Variants in MIB1 observed in about 807,000 individuals in gnomAD.
MIB1 encodes the protein MIB E3 ubiquitin protein ligase 1, also known as E3 ubiquitin-protein ligase MIB1.
A neutral mutation model predicts 124.5 loss-of-function variants in MIB1; 278 were observed. The observed-to-expected ratio is 2.23, with a 90% confidence interval of 2.02 to 2.47. MIB1 has a LOEUF of 2.47. Among genes scored for constraint, MIB1 ranks in the 30% most tolerant of loss-of-function variants. MIB1 has a pLI of 0.00. For synonymous variants in MIB1, 446 were observed against 429.4 expected (o/e 1.04, Z -0.48); for missense variants, 957 against 1,254.4 (o/e 0.76, Z 3.58).
intron 10 of MIB1, among the ~76,000 whole-genome samples, chr18:21,806,282 CCTTG>C (rs1284783703): frequency 2.6e-5 from 4 of 151,492 alleles, no homozygotes; most frequent in Non-Finnish European, 5.9e-5. Flanking sequence ...CTCACTGCAG[CCTTG>C]AATTCCCAGG....
rs934260189 is a variant in MIB1, at chr18:21,859,886, CAA to C, written c.2880+1264_2880+1265del. ...CCTGGGCGACAGAGTGAGACTGTCT[CAA>C]AAAAAAAAAAAAAAAAAAAAAAAGG... is the stretch of plus-strand genomic sequence containing the variant. On this transcript the variant is annotated intron_variant, in intron 20 of 20. Transcript: ENST00000261537. 7.7e-4 allele frequency among the ~76,000 whole-genome samples: 22 copies of C among 28,388 alleles called. No homozygotes were observed. The South Asian group carries it at 0.013, about 16-fold the overall frequency. 18.6% of individuals were successfully genotyped at this position (28,388 alleles called of 152,430 possible). A position where few individuals can be genotyped will look rare whatever the true frequency, so the allele number is the denominator to read the frequency against.
intron 6 of MIB1, among the ~76,000 whole-genome samples, chr18:21,789,260 C>T (rs1228184364): frequency 6.6e-6 from 1 of 151,728 alleles, no homozygotes; most frequent in East Asian, 1.9e-4. Context: ...TTCTCTGCCA[C>T]TGTCTTCACA....
At chr18:21,744,332 T>G (rs1243685517) in intron 1 of MIB1, among the ~76,000 whole-genome samples, 1 of 152,130 alleles carries the variant, frequency 6.6e-6, no homozygotes, top group Non-Finnish European at 1.5e-5. Flanking sequence ...TTTGAAACAA[T>G]TGTAGTCTTC....
At chr18:21,803,514 C>CTAG (rs1357737737) in intron 9 of MIB1, among the ~76,000 whole-genome samples, 1 of 152,150 alleles carries the variant, frequency 6.6e-6, no homozygotes, top group Non-Finnish European at 1.5e-5. Context: ...TTATTTATCC[C>CTAG]TAGCAGCTAA....
chr18:21,849,255 A>G lies in MIB1; in HGVS notation c.2453A>G (p.Glu818Gly). Residue 818 changes from glutamate (E) to glycine (G), a missense_variant, in exon 17 of 21, where the codon GAG becomes GGG. Physicochemically the swap from Glu to Gly is moderately conservative, Grantham distance 98 (BLOSUM62 -2). Coordinates refer to ENST00000261537, the MANE Select transcript of MIB1 (RefSeq NM_020774.4). ...MISNDSETLE[E>G]CMVCSDMKRD... ...AGTAATGATTCTGAAACCTTAGAAG[A>G]GTGTATGGTGTGCTCAGATATGAAG... 1 of 1,610,184 alleles carries G rather than the reference A, an allele frequency of 6.2e-7. No homozygotes were observed. The highest frequency in any genetic ancestry group is 8.5e-7 in the Non-Finnish European group (1 of 1,178,088).
chr18:21,738,178 A>G (rs1271901402), upstream of MIB1, among the ~76,000 whole-genome samples: 1 of 152,246 alleles, frequency 6.6e-6, no homozygotes, highest in African/African-American at 2.4e-5. Context: ...CATAATTGGA[A>G]GTAAAACACT....
intron 6 of MIB1, among the ~76,000 whole-genome samples, chr18:21,783,533 GTGCCCGGCCTCACTC>G (rs760597045): frequency 9.1e-4 from 138 of 152,142 alleles, no homozygotes; most frequent in Non-Finnish European, 1.8e-3. Context: ...GTGAGCCGCT[GTGCCCGGCCTCACTC>G]TATGTCTTCT....
intron 1 of MIB1, among the ~76,000 whole-genome samples, chr18:21,759,417 A>G (rs148555326): frequency 1.5e-4 from 23 of 151,680 alleles, no homozygotes; most frequent in South Asian, 8.4e-4. Context: ...TAATTTTTGT[A>G]TTTTTAATAG....
At chr18:21,743,573 T>G (rs1040145676) in intron 1 of MIB1, among the ~76,000 whole-genome samples, 2 of 152,230 alleles carry the variant, frequency 1.3e-5, no homozygotes, top group Non-Finnish European at 2.9e-5. Flanking sequence ...TTTGAAGACG[T>G]TTTGTGAGTT....
rs375216224 is a variant in MIB1, at chr18:21,869,940, C to G, written c.*5274C>G. The G allele has an allele frequency of 1.3e-5, 2 of 152,266 alleles. No individual in the cohort carries two copies. The highest frequency in any genetic ancestry group is 2.9e-5 in the Non-Finnish European group (2 of 67,916). The allele number at this position is 152,266 out of a possible 1,614,324, so 9.4% of individuals were successfully genotyped here. ...TTATGTTCAGTATGTTTATGTCATTCTAAATGCAGCAAATTCAATGATAGC... is the reference window on the plus strand; with the variant it reads ...TTATGTTCAGTATGTTTATGTCATTGTAAATGCAGCAAATTCAATGATAGC... On this transcript the variant is annotated 3_prime_UTR_variant, in exon 21 of 21. Transcript: ENST00000261537.
At chr18:21,848,791 G>A (rs776936060) in intron 16 of MIB1, among the ~76,000 whole-genome samples, 18 of 152,136 alleles carry the variant, frequency 1.2e-4, no homozygotes, top group Non-Finnish European at 1.9e-4. Context: ...GCTTTGTTCC[G>A]TCTTTAGTAA....
chr18:21,726,702 A>C (rs896687418), intron 1 of MIB1, among the ~76,000 whole-genome samples: 1 of 152,188 alleles, frequency 6.6e-6, no homozygotes, highest in African/African-American at 2.4e-5. Context: ...GGGAGTGGCT[A>C]TGTAGATTGA....
intron 12 of MIB1, chr18:21,825,748 G>A (rs574177540): frequency 1.9e-5 from 10 of 529,956 alleles, no homozygotes; most frequent in South Asian, 8.5e-5. Context: ...TTGAAGAGGC[G>A]ATTTGGTTCC....
intron 20 of MIB1, among the ~76,000 whole-genome samples, chr18:21,859,076 G>A (rs989257607): frequency 1.3e-5 from 2 of 152,166 alleles, no homozygotes; most frequent in African/African-American, 4.8e-5. Flanking sequence ...GTTATTGTTT[G>A]GAATATAAAC....
In MIB1 at chr18:21,792,019, T is replaced by A. The variant is rs150074051; in HGVS notation, c.1092+462T>A. 1.4e-4 allele frequency among the ~76,000 whole-genome samples: 21 copies of A among 152,344 alleles called. No homozygotes were observed. The East Asian group carries it at 3.9e-3, about 28-fold the overall frequency. On this transcript the variant is annotated intron_variant, in intron 7 of 20. Transcript: ENST00000261537. Reference sequence around the variant, plus strand: ...CTACAGTTTTTTATTTAGTCATTTTTTCGTCAAATGTTCATCAACAACAAA... The same window carrying A: ...CTACAGTTTTTTATTTAGTCATTTTATCGTCAAATGTTCATCAACAACAAA...
chr18:21,740,561 C>G (rs569525812), upstream of MIB1, among the ~76,000 whole-genome samples: 7 of 152,270 alleles, frequency 4.6e-5, no homozygotes, highest in Non-Finnish European at 1.0e-4. Flanking sequence ...TAGTGAAAAA[C>G]TGGCCACATC....
chr18:21,719,595 C>T (rs964881653), intron 1 of MIB1, among the ~76,000 whole-genome samples: 2 of 151,198 alleles, frequency 1.3e-5, no homozygotes, highest in Non-Finnish European at 2.9e-5. Context: ...GATGGGTATA[C>T]GTCACCACGC....
upstream of MIB1, among the ~76,000 whole-genome samples, chr18:21,736,272 C>T (rs2040796585): frequency 6.6e-6 from 1 of 152,208 alleles, no homozygotes; most frequent in Non-Finnish European, 1.5e-5. Context: ...GCCAGCAGAC[C>T]TGCAGCAGAG....
At chr18:21,755,629 A>G (rs1021061038) in intron 1 of MIB1, among the ~76,000 whole-genome samples, 2 of 152,204 alleles carry the variant, frequency 1.3e-5, no homozygotes, top group Admixed American at 1.3e-4. Flanking sequence ...ACTGGCTTTT[A>G]TAAAATGGAC....
Sources: allele counts gnomAD v4.1 joint callset (sites outside exome capture counted in the v4.1 genomes callset), GRCh38; gene constraint gnomAD v4.1.1; transcripts MANE v1.5; gene names NCBI Gene and HGNC (gene_info 2026-07-23, HGNC 2026-07-21).